The following PRDM10 variants were observed in gnomAD, a reference collection of about 807,000 sequenced individuals.
PRDM10 encodes PR/SET domain 10, also known as PR domain zinc finger protein 10.
In PRDM10, 65 loss-of-function variants were observed where a neutral mutation model predicts 133.1. The observed-to-expected ratio is 0.49, with a 90% CI of 0.40 to 0.60. PRDM10 has a LOEUF of 0.60. Ranked by LOEUF, PRDM10 falls within the 20% of genes least tolerant of loss-of-function variation. PRDM10 has a pLI of 0.00. For missense variants in PRDM10, 1,137 were observed against 1,507.1 expected, an observed-to-expected ratio of 0.75 and a Z score of 4.07; for synonymous variants, 582 against 580.4, an observed-to-expected ratio of 1.00 and a Z score of -0.04.
chr11:129,957,039 T>A (rs537355615), intron 3 of PRDM10, among the ~76,000 whole-genome samples: 2 of 152,222 alleles, frequency 1.3e-5, no homozygotes, highest in African/African-American at 2.4e-5. Context: ...GCAGTAAACA[T>A]CTTTGCTTCT....
intron 12 of PRDM10, among the ~76,000 whole-genome samples, chr11:129,924,299 T>G (rs1212104172): frequency 1.3e-5 from 2 of 152,234 alleles, no homozygotes; most frequent in East Asian, 3.8e-4. Flanking sequence ...ACAAAATGTT[T>G]CGTTATTCAC....
At chr11:129,943,928 G>T (rs1951302808) in intron 6 of PRDM10, among the ~76,000 whole-genome samples, 1 of 152,044 alleles carries the variant, frequency 6.6e-6, no homozygotes, top group Admixed American at 6.5e-5. Flanking sequence ...GGAGGCAGGG[G>T]GTGCAGTGAG....
At chr11:129,922,321 A>C (rs1950544008) in intron 13 of PRDM10, among the ~76,000 whole-genome samples, 1 of 152,256 alleles carries the variant, frequency 6.6e-6, no homozygotes, top group Non-Finnish European at 1.5e-5. Context: ...ACAGTATCGC[A>C]AAACAGGAAT....
rs531862810 is a variant in PRDM10 at position 129,997,259 on chromosome 11, G to A, written c.-119+5463C>T. On this transcript the variant is annotated intron_variant, in intron 1 of 20. Transcript: ENST00000360871. ...TTTGGGAGGCAGAGATGGGTGGATCGCTTGAGCCACAGGAGTTCCAGACCA... is the reference window on the plus strand; with the variant it reads ...TTTGGGAGGCAGAGATGGGTGGATCACTTGAGCCACAGGAGTTCCAGACCA... Among the ~76,000 whole-genome samples the A allele has an allele frequency of 4.6e-5, 7 of 152,250 alleles. No individual in the cohort carries two copies. The East Asian group carries it at 7.7e-4, about 17-fold the overall frequency.
chr11:129,972,189 A>G (rs1332475292), intron 1 of PRDM10, among the ~76,000 whole-genome samples: 1 of 152,154 alleles, frequency 6.6e-6, no homozygotes, highest in Non-Finnish European at 1.5e-5. Flanking sequence ...CCCCGGTTAC[A>G]GCTGGCGCCT....
chr11:129,977,255 T>TACACACACACAC lies in PRDM10; in HGVS notation c.-118-16185_-118-16174dup, dbSNP rs71057991. On this transcript the variant is annotated intron_variant, in intron 1 of 20. Transcript: ENST00000360871. ...TTGGAGCAGAATAACATGACTAAAA[T>TACACACACACAC]ACACACACACACACACACACACACA... is the stretch of plus-strand genomic sequence containing the variant. Among the ~76,000 whole-genome samples the TACACACACACAC allele has an allele frequency of 3.8e-3, 502 of 132,474 alleles. 2 individuals are homozygous for TACACACACACAC. The highest frequency in any genetic ancestry group is 5.2e-3 in the East Asian group (23 of 4,414). The allele number at this position is 132,474 out of a possible 152,430, so 86.9% of individuals were successfully genotyped here.
intron 1 of PRDM10, among the ~76,000 whole-genome samples, chr11:129,987,881 G>A (rs1007621865): frequency 3.3e-5 from 5 of 152,126 alleles, no homozygotes; most frequent in Middle Eastern, 3.2e-3. Context: ...GGTGCCTGTA[G>A]TTCCAGCTAC....
At position 129,931,212 on chromosome 11, in the gene PRDM10, G is replaced by C; in HGVS notation, c.1334C>G (p.Pro445Arg). 1 of 1,614,066 alleles carries C rather than the reference G, an allele frequency of 6.2e-7. No individual in the cohort carries two copies. Among genetic ancestry groups the C allele is most frequent in the Non-Finnish European group, 8.5e-7 (1 of 1,179,960 alleles). ...TTGATCCAGCCCATTCAGAGTGGCT[G>C]GTTCAGCCTCATCAAATTGCTCCTT... is the stretch of plus-strand genomic sequence containing the variant. ...PTKEQFDEAE[P>R]ATLNGLDQPE... The change falls in exon 11 of 21, where the codon CCA becomes CGA. Residue 445 changes from proline (P) to arginine (R), a missense_variant. Pro to Arg is a moderately radical substitution (Grantham distance 103). Transcript: ENST00000360871.
chr11:129,984,938 T>G (rs1412308745), intron 1 of PRDM10, among the ~76,000 whole-genome samples: 1 of 152,180 alleles, frequency 6.6e-6, no homozygotes, highest in Non-Finnish European at 1.5e-5. Context: ...TCAGTAGGCT[T>G]TTTTGATCAT....
At chr11:129,972,646 TCA>T (rs1256979660) in intron 1 of PRDM10, among the ~76,000 whole-genome samples, 2 of 152,116 alleles carry the variant, frequency 1.3e-5, no homozygotes, top group Non-Finnish European at 2.9e-5. Context: ...TTACCCCAGG[TCA>T]CAGTGTGGCC....
At position 130,001,661 on chromosome 11, in the gene PRDM10, G is replaced by C. The variant is rs1939387388; in HGVS notation, c.-119+1061C>G. On this transcript the variant is annotated intron_variant, in intron 1 of 20. Transcript: ENST00000360871. The stretch of plus-strand genomic sequence containing the variant: ...GCGCGCACACAAATTCAACAGCGCT[G>C]CGTTCGCGTGGCTGGAGGGCAGACG... 2.0e-5 allele frequency among the ~76,000 whole-genome samples: 3 copies of C among 152,230 alleles called. No homozygotes were observed. In the South Asian group the frequency reaches 6.2e-4, roughly 32 times the overall value.
chr11:129,916,005 C>T (rs1047292161), intron 15 of PRDM10, 145 bp from the exon 16 acceptor site: 22 of 683,538 alleles, frequency 3.2e-5, no homozygotes, highest in Non-Finnish European at 4.4e-5. Context: ...ATTAACAGAT[C>T]TATTGAAGAG....
chr11:129,923,641 C>CGGGAGAGA lies in PRDM10; in HGVS notation c.1879-239_1879-238insTCTCTCCC, dbSNP rs1950580581. On this transcript the variant is annotated intron_variant, in intron 12 of 20. Coordinates refer to ENST00000360871, the MANE Select transcript of PRDM10 (RefSeq NM_199437.2). The surrounding 1 kb of genome is among the most constrained non-coding windows in gnomAD (Gnocchi z 4.4). Reference sequence around the variant, plus strand: ...TCCGAACCTCCCCGATGACTTGAAACGTGAGAGAGAGAGAGAGAGAGAGAG... The same window carrying CGGGAGAGA: ...TCCGAACCTCCCCGATGACTTGAAACGGGAGAGAGTGAGAGAGAGAGAGAGAGAGAGAG... Among the ~76,000 whole-genome samples the CGGGAGAGA allele has an allele frequency of 4.5e-5, 2 of 44,254 alleles. No individual in the cohort carries two copies. The highest frequency in any genetic ancestry group is 3.2e-4 in the Admixed American group (1 of 3,146). 29.0% of individuals were successfully genotyped at this position (44,254 alleles called of 152,430 possible). A position where few individuals can be genotyped will look rare whatever the true frequency, so the allele number is the denominator to read the frequency against.
chr11:130,000,107 G>C (rs1343228996), intron 1 of PRDM10, among the ~76,000 whole-genome samples: 1 of 146,714 alleles, frequency 6.8e-6, no homozygotes, highest in Non-Finnish European at 1.5e-5. Flanking sequence ...GCAATGGCCC[G>C]ATCTCAGCTC....
In PRDM10 at chr11:129,912,195, T is replaced by C. The variant is rs758518737; in HGVS notation, c.2872A>G (p.Thr958Ala). The C allele has an allele frequency of 1.2e-6, 2 of 1,606,772 alleles. No homozygotes were observed. The highest frequency in any genetic ancestry group is 4.5e-5 in the East Asian group (2 of 44,362). ...ATSPHQSQQS[T>A]VDVGQLHDPQ... The stretch of plus-strand genomic sequence containing the variant: ...TCATGGAGCTGGCCAACATCCACAG[T>C]GGACTGCTGTGACTGGTGAGGGGAA... The change falls in exon 18 of 21, where the codon ACT becomes GCT. Residue 958 changes from threonine (T) to alanine (A), a missense_variant. Physicochemically the swap from Thr to Ala is moderately conservative, Grantham distance 58 (BLOSUM62 0). Coordinates refer to ENST00000360871, the MANE Select transcript of PRDM10 (RefSeq NM_199437.2).
intron 20 of PRDM10, among the ~76,000 whole-genome samples, chr11:129,904,841 T>C (rs1949964531): frequency 1.3e-5 from 2 of 152,234 alleles, no homozygotes; most frequent in Admixed American, 6.5e-5. Flanking sequence ...CTCTGTCTTC[T>C]AATAACTTAA....
chr11:129,929,052 T>C (rs1029448005), intron 11 of PRDM10, among the ~76,000 whole-genome samples: 1 of 152,222 alleles, frequency 6.6e-6, no homozygotes, highest in Non-Finnish European at 1.5e-5. Context: ...CCTACATTAG[T>C]ATTGATTTCC....
chr11:129,941,407 G>T (rs1274802052), intron 7 of PRDM10, among the ~76,000 whole-genome samples: 1 of 152,080 alleles, frequency 6.6e-6, no homozygotes, highest in African/African-American at 2.4e-5. Flanking sequence ...ATATATTTAT[G>T]AAATCAGAAG....
At chr11:129,937,879 T>C (rs567168996) in intron 7 of PRDM10, among the ~76,000 whole-genome samples, 1 of 152,354 alleles carries the variant, frequency 6.6e-6, no homozygotes, top group South Asian at 2.1e-4. Context: ...ACTGCCTGTT[T>C]TCTTTTTCAG....
Sources: gnomAD v4.1 joint callset for allele counts (sites outside exome capture counted in the v4.1 genomes callset) on GRCh38, gnomAD v4.1.1 for gene constraint, Gnocchi (gnomAD v3.1) non-coding constraint, MANE v1.5 for transcripts, NCBI Gene and HGNC (gene_info 2026-07-23, HGNC 2026-07-21) for gene names.